Variants in DCAF17 observed in about 807,000 individuals in gnomAD.
The protein encoded by DCAF17 is DDB1- and CUL4-associated factor 17.
DCAF17 carries 48 observed loss-of-function variants against 66.0 expected under a neutral mutation model. The ratio of observed to expected loss-of-function variants is 0.73; its 90% CI spans 0.58 to 0.92. The LOEUF (loss-of-function observed/expected upper bound fraction) is 0.92. DCAF17 is among the 40% of genes least tolerant of loss of function. DCAF17 has a pLI of 0.00. For missense variants in DCAF17, 562 were observed against 622.8 expected (o/e 0.90, Z 1.04); for synonymous variants, 206 against 214.6 (o/e 0.96, Z 0.35).
chr2:171,445,726 A>G (rs1574332643), intron 3 of DCAF17, among the ~76,000 whole-genome samples: 1 of 152,248 alleles, frequency 6.6e-6, no homozygotes, highest in East Asian at 1.9e-4. Flanking sequence ...TCTGTTGCCT[A>G]AGCTGGAGTC....
intron 3 of DCAF17, among the ~76,000 whole-genome samples, chr2:171,443,985 G>A (rs1014357026): frequency 3.3e-5 from 5 of 151,928 alleles, no homozygotes; most frequent in Non-Finnish European, 5.9e-5. Flanking sequence ...GTTATTTTAC[G>A]TTATTTTACG....
chr2:171,466,589 G>GAAT (rs3054497), intron 8 of DCAF17, among the ~76,000 whole-genome samples: 64,391 of 151,516 alleles, frequency 0.42, 13,663 homozygotes, highest in African/African-American at 0.48. Flanking sequence ...TTTTCATTGA[G>GAAT]AATATTAGAG....
At position 171,481,846 on chromosome 2, in the gene DCAF17, T is replaced by C. The variant is rs1394123776; in HGVS notation, c.*732T>C. The stretch of plus-strand genomic sequence containing the variant: ...GATTTGCATCCTGTTTAGCTCTTAA[T>C]GTATCTAAGGATGTTCTCATCTCAC... On this transcript the variant is annotated 3_prime_UTR_variant, in exon 14 of 14. Coordinates refer to ENST00000375255, the MANE Select transcript of DCAF17 (RefSeq NM_025000.4). 2 of 453,760 alleles carry C rather than the reference T, an allele frequency of 4.4e-6. No individual in the cohort carries two copies. Among genetic ancestry groups the C allele is most frequent in the African/African-American group, 4.0e-5 (2 of 49,996 alleles). The allele number at this position is 453,760 out of a possible 1,614,324, so 28.1% of individuals were successfully genotyped here. A position where few individuals can be genotyped will look rare whatever the true frequency, so the allele number is the denominator to read the frequency against.
At chr2:171,438,421 C>T (rs1694091255) in intron 2 of DCAF17, among the ~76,000 whole-genome samples, 1 of 152,184 alleles carries the variant, frequency 6.6e-6, no homozygotes, top group African/African-American at 2.4e-5. Flanking sequence ...TTTCTGCCAG[C>T]TGGATGTGTT....
chr2:171,479,282 G>C (rs757681376), intron 12 of DCAF17, among the ~76,000 whole-genome samples: 7 of 152,192 alleles, frequency 4.6e-5, no homozygotes, highest in Non-Finnish European at 1.0e-4. Context: ...TGTCTTTAAA[G>C]TTGATGCCAG....
chr2:171,467,749 A>C (rs112420917), intron 8 of DCAF17, among the ~76,000 whole-genome samples: 46,103 of 145,158 alleles, frequency 0.32, 7,664 homozygotes, highest in Admixed American at 0.36. Flanking sequence ...AAAAAAAAAA[A>C]AAAAAGTTGT....
Position 171,466,031 on chromosome 2 carries a change from T to A in DCAF17, c.839-2857T>A, listed in dbSNP as rs553254539. ...TAACATGTATCTAAATTAAAAAAAA[T>A]TTTTTTATTTTTAGTAGAGGTGAGG... On this transcript the variant is annotated intron_variant, in intron 8 of 13. Transcript: ENST00000375255. 2.8e-3 allele frequency among the ~76,000 whole-genome samples: 427 copies of A among 152,178 alleles called. 4 individuals carry two copies. Among genetic ancestry groups the A allele is most frequent in the African/African-American group, 7.2e-3 (299 of 41,528 alleles).
chr2:171,461,376 G>A (rs992741092), intron 8 of DCAF17, among the ~76,000 whole-genome samples: 5 of 152,152 alleles, frequency 3.3e-5, no homozygotes, highest in Middle Eastern at 3.4e-3. Context: ...GCAGTGAGCC[G>A]AGATCGTGCC....
chr2:171,438,594 T>G (rs74484035), intron 2 of DCAF17, among the ~76,000 whole-genome samples: 5,133 of 152,366 alleles, frequency 0.034, 126 homozygotes, highest in Non-Finnish European at 0.052. Flanking sequence ...CCTTTTTCAT[T>G]ATCTTATGCC....
chr2:171,466,302 A>T (rs965424106), intron 8 of DCAF17, among the ~76,000 whole-genome samples: 2 of 152,194 alleles, frequency 1.3e-5, no homozygotes, highest in Admixed American at 1.3e-4. Context: ...GTTATTTTGT[A>T]TGCTTTATGT....
chr2:171,458,248 A>T lies in DCAF17; in HGVS notation c.733-124A>T. 3 of 1,061,064 alleles carry T rather than the reference A, an allele frequency of 2.8e-6. No individual in the cohort carries two copies. The South Asian group carries it at 3.9e-5, about 14-fold the overall frequency. The allele number at this position is 1,061,064 out of a possible 1,614,324, so 65.7% of individuals were successfully genotyped here. On this transcript the variant is annotated intron_variant, in intron 7 of 13. Coordinates refer to ENST00000375255, the MANE Select transcript of DCAF17 (RefSeq NM_025000.4). ...CTTTAAAGCAGGGGTGGGGAAGATA[A>T]ACAGAAAGGCCATTGGAAAAAGACA...
At chr2:171,453,321 A>C (rs1444879686) in intron 6 of DCAF17, 108 bp downstream of exon 6, 1 of 821,732 alleles carries the variant, frequency 1.2e-6, no homozygotes, top group East Asian at 2.8e-5. Flanking sequence ...CCCTCACTAT[A>C]AAAAGTTCAC....
At chr2:171,470,036 T>C (rs187569045) in intron 9 of DCAF17, among the ~76,000 whole-genome samples, 22 of 152,298 alleles carry the variant, frequency 1.4e-4, no homozygotes, top group Admixed American at 3.3e-4. Context: ...TATATTTATT[T>C]ATTTAGAGAC....
chr2:171,484,251 A>C lies in DCAF17; in HGVS notation c.*3137A>C. 2.2e-6 allele frequency: 1 copy of C among 450,184 alleles called. No individual in the cohort carries two copies. Among genetic ancestry groups the C allele is most frequent in the South Asian group, 1.6e-5 (1 of 62,828 alleles). The allele number at this position is 450,184 out of a possible 1,614,324, so 27.9% of individuals were successfully genotyped here. ...CCATCTTTTAGAATCCCAGGGAGCT[A>C]ATTTCTGGTCCCTGTGTTGCTATCA... On this transcript the variant is annotated 3_prime_UTR_variant, in exon 14 of 14. Coordinates refer to ENST00000375255, the MANE Select transcript of DCAF17 (RefSeq NM_025000.4).
At chr2:171,469,155 A>G (rs1696092459) in intron 9 of DCAF17, 125 bp downstream of exon 9, 2 of 1,060,686 alleles carry the variant, frequency 1.9e-6, no homozygotes, top group Admixed American at 2.0e-5. Flanking sequence ...TTTGCAAACA[A>G]TTTAAAATAC....
chr2:171,465,617 C>A (rs1695855153), intron 8 of DCAF17, among the ~76,000 whole-genome samples: 1 of 152,036 alleles, frequency 6.6e-6, no homozygotes, highest in South Asian at 2.1e-4. Flanking sequence ...GTAGCTGGGA[C>A]TACAGGCACA....
intron 2 of DCAF17, among the ~76,000 whole-genome samples, chr2:171,436,377 G>A (rs933354246): frequency 2.6e-5 from 4 of 152,118 alleles, no homozygotes; most frequent in African/African-American, 9.7e-5. Flanking sequence ...CTGTAACTGC[G>A]TTTAATAGTT....
intron 6 of DCAF17, among the ~76,000 whole-genome samples, chr2:171,455,832 A>T (rs1449550822): frequency 6.6e-6 from 1 of 151,512 alleles, no homozygotes; most frequent in Non-Finnish European, 1.5e-5. Context: ...GTATCTGTTC[A>T]TGTCCTTTGC....
chr2:171,447,732 G>T (rs922834880), intron 3 of DCAF17, among the ~76,000 whole-genome samples: 1 of 152,192 alleles, frequency 6.6e-6, no homozygotes, highest in African/African-American at 2.4e-5. Flanking sequence ...GAACTCCTGG[G>T]CTCAGGTAAT....
Sources: allele counts gnomAD v4.1 joint callset (sites outside exome capture counted in the v4.1 genomes callset), GRCh38; gene constraint gnomAD v4.1.1; transcripts MANE v1.5; gene names NCBI Gene and HGNC (gene_info 2026-07-23, HGNC 2026-07-21).